COBL: variants seen among roughly 807,000 people sequenced by gnomAD.
The protein encoded by COBL is protein cordon-bleu.
COBL carries 51 observed loss-of-function variants against 98.8 expected under a neutral mutation model. The observed-to-expected ratio is 0.52, with a 90% CI of 0.41 to 0.65. The LOEUF (loss-of-function observed/expected upper bound fraction) is 0.65. Ranked by LOEUF, COBL falls within the 30% of genes least tolerant of loss-of-function variation. The pLI, the probability that COBL is intolerant of heterozygous loss-of-function variation, is 0.00. For synonymous variants in COBL, 634 were observed against 651.7 expected, an observed-to-expected ratio of 0.97 and a Z score of 0.41; for missense variants, 1,617 against 1,617.5, an observed-to-expected ratio of 1.00 and a Z score of 0.01.
chr7:51,021,788 C>T (rs1349167134), intron 12 of COBL, among the ~76,000 whole-genome samples: 1 of 152,182 alleles, frequency 6.6e-6, no homozygotes, highest in Non-Finnish European at 1.5e-5. Context: ...TGCCATCTAA[C>T]CAGGCTTATT....
At chr7:51,231,919 G>A (rs1324828003) in intron 1 of COBL, among the ~76,000 whole-genome samples, 1 of 152,126 alleles carries the variant, frequency 6.6e-6, no homozygotes, top group African/African-American at 2.4e-5. Context: ...ACCTCGGGGG[G>A]AGGGGACCCA....
intron 1 of COBL, 117 bp downstream of exon 1, chr7:51,316,476 C>T: frequency 2.7e-6 from 2 of 750,706 alleles, no homozygotes; most frequent in Non-Finnish European, 3.6e-6. Flanking sequence ...ACCACTACCA[C>T]CAGCACCCGC....
chr7:51,220,567 T>C (rs1793537264), intron 1 of COBL, among the ~76,000 whole-genome samples: 1 of 152,224 alleles, frequency 6.6e-6, no homozygotes, highest in South Asian at 2.1e-4. Flanking sequence ...TTTCACCTTA[T>C]TTCAGACTGT....
chr7:51,239,705 A>C (rs111992267), intron 1 of COBL, among the ~76,000 whole-genome samples: 1,905 of 152,292 alleles, frequency 0.013, 33 homozygotes, highest in African/African-American at 0.041. Context: ...TCTGGTAAGA[A>C]TACTACTCGA....
chr7:51,148,209 C>T (rs892591911), intron 5 of COBL, among the ~76,000 whole-genome samples: 76 of 152,264 alleles, frequency 5.0e-4, no homozygotes, highest in Middle Eastern at 3.4e-3. Context: ...ACTATTTACA[C>T]GTTTGTGCAC....
intron 6 of COBL, among the ~76,000 whole-genome samples, chr7:51,095,905 T>C (rs565229043): frequency 3.3e-5 from 5 of 152,204 alleles, no homozygotes; most frequent in Admixed American, 6.5e-5. Context: ...ATTGACATAA[T>C]TGAAAGTAGA....
chr7:51,278,622 T>C (rs1799533596), intron 1 of COBL, among the ~76,000 whole-genome samples: 1 of 151,860 alleles, frequency 6.6e-6, no homozygotes, highest in East Asian at 1.9e-4. Context: ...TCAGGTGATC[T>C]ACCCACCTCA....
chr7:51,231,139 A>G (rs1424274526), intron 1 of COBL, among the ~76,000 whole-genome samples: 1 of 152,164 alleles, frequency 6.6e-6, no homozygotes, highest in African/African-American at 2.4e-5. Context: ...ATTAGGCAAA[A>G]ATTAAGTAAT....
In COBL at chr7:51,193,491, G is replaced by A. The variant is rs376041678; in HGVS notation, c.344C>T (p.Pro115Leu). Residue 115 changes from proline (P) to leucine (L), a missense_variant, in exon 3 of 13, where the codon CCT becomes CTT. Transcript: ENST00000265136. ...CAAAGTATTTGGCTTAAAACTCAAA[G>A]GTTGTTGGGTTTCTGAAGACCGAAT... ...LEIRSSETQQPLSFKPNTLIG... is the reference protein window; with the variant it reads ...LEIRSSETQQLLSFKPNTLIG... The A allele has an allele frequency of 1.2e-6, 2 of 1,614,058 alleles. No homozygotes were observed. Among genetic ancestry groups the A allele is most frequent in the African/African-American group, 1.3e-5 (1 of 74,918 alleles).
chr7:51,217,636 C>T (rs973995400), intron 2 of COBL, among the ~76,000 whole-genome samples: 5 of 152,118 alleles, frequency 3.3e-5, no homozygotes, highest in South Asian at 4.1e-4. Context: ...AGCCACCATG[C>T]CTGGCCCACA....
At chr7:51,104,670 T>C (rs6966752) in intron 6 of COBL, among the ~76,000 whole-genome samples, 73,824 of 151,826 alleles carry the variant, frequency 0.49, 18,172 homozygotes, top group East Asian at 0.6. Context: ...CAGTCGGCAG[T>C]CTAAGGGGAG....
intron 7 of COBL, among the ~76,000 whole-genome samples, chr7:51,069,912 G>A (rs1272574058): frequency 6.6e-6 from 1 of 152,130 alleles, no homozygotes; most frequent in Non-Finnish European, 1.5e-5. Flanking sequence ...TTATCAACCA[G>A]GAAACAGTGT....
chr7:51,151,186 T>C (rs944304026), intron 5 of COBL, among the ~76,000 whole-genome samples: 2 of 12,814 alleles, frequency 1.6e-4, no homozygotes, highest in African/African-American at 1.9e-3. Flanking sequence ...CTGCTGTACA[T>C]AGGCGAAACA....
rs1318170016 is a variant in COBL, at chr7:51,205,640, G to GTT, written c.246-12053_246-12052dup. Among the ~76,000 whole-genome samples the GTT allele has an allele frequency of 4.5e-3, 481 of 107,494 alleles. 2 individuals are homozygous for GTT. Among genetic ancestry groups the GTT allele is most frequent in the African/African-American group, 0.014 (467 of 32,640 alleles). The allele number at this position is 107,494 out of a possible 152,430, so 70.5% of individuals were successfully genotyped here. On this transcript the variant is annotated intron_variant, in intron 2 of 12. Coordinates refer to ENST00000265136, the MANE Select transcript of COBL (RefSeq NM_015198.5). ...TTTGTTTGTTTGTTTTTGTTTTTTG[G>GTT]TTTTTTGTTTTTTTTTTTTTTACAG...
At chr7:51,160,144 G>A (rs1282908934) in intron 5 of COBL, among the ~76,000 whole-genome samples, 3 of 152,092 alleles carry the variant, frequency 2.0e-5, no homozygotes, top group Non-Finnish European at 4.4e-5. Context: ...CACCCACCTC[G>A]GCCTCCCAAA....
At chr7:51,124,462 C>G (rs79936662) in intron 6 of COBL, among the ~76,000 whole-genome samples, 147 of 152,222 alleles carry the variant, frequency 9.7e-4, no homozygotes, top group African/African-American at 3.3e-3. Context: ...GGAAGTGACA[C>G]CCTCACCCAG....
intron 2 of COBL, among the ~76,000 whole-genome samples, chr7:51,204,427 C>G (rs1449066423): frequency 6.6e-6 from 1 of 152,078 alleles, no homozygotes; most frequent in African/African-American, 2.4e-5. Context: ...CTGAAATTAT[C>G]CCGGGTTACA....
intron 1 of COBL, among the ~76,000 whole-genome samples, chr7:51,223,257 G>A (rs1424292529): frequency 1.3e-5 from 2 of 152,248 alleles, no homozygotes; most frequent in African/African-American, 4.8e-5. Context: ...GTGTGTACAT[G>A]CATGTGTGTG....
At chr7:51,289,007 T>C (rs1800647882) in intron 1 of COBL, among the ~76,000 whole-genome samples, 1 of 152,140 alleles carries the variant, frequency 6.6e-6, no homozygotes, top group African/African-American at 2.4e-5. Flanking sequence ...ACGTCTTGTT[T>C]CCACTTGTGC....
Sources: allele counts gnomAD v4.1 joint callset (sites outside exome capture counted in the v4.1 genomes callset), GRCh38; gene constraint gnomAD v4.1.1; transcripts MANE v1.5; gene names NCBI Gene and HGNC (gene_info 2026-07-23, HGNC 2026-07-21).